The following ABI3BP variants were observed in gnomAD, a reference collection of about 807,000 sequenced individuals.
ABI3BP encodes the protein target of Nesh-SH3.
Under a neutral mutation model 268.6 loss-of-function variants are expected in ABI3BP, and 216 were observed. The ratio of observed to expected loss-of-function variants is 0.80; its 90% CI spans 0.72 to 0.90. The LOEUF is 0.90. Ranked by LOEUF, ABI3BP falls within the 40% of genes least tolerant of loss-of-function variation. ABI3BP has a pLI of 0.00. For missense variants in ABI3BP, 2,090 were observed against 2,182.4 expected (o/e 0.96, Z 0.84); for synonymous variants, 730 against 730.0 (o/e 1.00, Z 0.00).
chr3:100,835,631 C>G lies in ABI3BP; in HGVS notation c.2161G>C (p.Val721Leu). 1.3e-6 allele frequency: 2 copies of G among 1,535,230 alleles called. No homozygotes were observed. The highest frequency in any genetic ancestry group is 1.2e-5 in the South Asian group (1 of 84,022). Residue 721 changes from valine to leucine, a missense_variant, in exon 28 of 68, where the codon GTG (valine) becomes CTG (leucine). Val to Leu is a conservative substitution (Grantham distance 32). Transcript: ENST00000471714. ...GTTGTCACTGTAGCCTCAGTTCTCA[C>G]AGTTACAGGCTCAATGTCTGTGGTG... ...VPTTDIEPVTVRTEATVTTLA... is the reference protein window; with the variant it reads ...VPTTDIEPVTLRTEATVTTLA...
chr3:100,812,594 C>T, intron 45 of ABI3BP, 71 bp from the exon 46 acceptor site: 1 of 994,054 alleles, frequency 1.0e-6, no homozygotes, highest in Non-Finnish European at 1.3e-6. Context: ...TGCTTTGCAT[C>T]CAGTAAGTGT....
Position 100,752,135 on chromosome 3 carries a change from C to G in ABI3BP, c.5123-461G>C, listed in dbSNP as rs141715370. On this transcript the variant is annotated intron_variant, in intron 66 of 67. Coordinates refer to ENST00000471714, the MANE Select transcript of ABI3BP (RefSeq NM_001375547.2). Reference sequence around the variant, plus strand: ...AGTGCTAACTAACTTTTTAGAGAGGCCTTCACCTTTTTGAAAATGTTCTTT... The same window carrying G: ...AGTGCTAACTAACTTTTTAGAGAGGGCTTCACCTTTTTGAAAATGTTCTTT... Among the ~76,000 whole-genome samples the G allele has an allele frequency of 1.9e-3, 286 of 152,268 alleles. 2 individuals carry two copies. Among genetic ancestry groups the G allele is most frequent in the Non-Finnish European group, 2.2e-3 (149 of 68,028 alleles).
At chr3:100,858,809 C>A (rs557799276) in intron 14 of ABI3BP, among the ~76,000 whole-genome samples, 1 of 152,238 alleles carries the variant, frequency 6.6e-6, no homozygotes, top group South Asian at 2.1e-4. Context: ...AAAACAAGAC[C>A]AGTCTCTAAT....
intron 4 of ABI3BP, among the ~76,000 whole-genome samples, chr3:100,887,305 A>C (rs149205681): frequency 3.3e-5 from 5 of 152,068 alleles, no homozygotes. Context: ...GATAGATTTT[A>C]GAAACAAAAT....
At chr3:100,862,504 C>T in intron 13 of ABI3BP, 119 bp from the exon 14 acceptor site, 2 of 658,622 alleles carry the variant, frequency 3.0e-6, no homozygotes, top group Non-Finnish European at 5.3e-6. Context: ...TATACCAATA[C>T]AATAAAAAGT....
At chr3:100,751,741 C>A in intron 66 of ABI3BP, 67 bp from the exon 67 acceptor site, 2 of 1,444,616 alleles carry the variant, frequency 1.4e-6, no homozygotes, top group Non-Finnish European at 1.9e-6. Context: ...ATTTTGAAAT[C>A]ATCATTACTG....
At chr3:100,992,610 C>T (rs2093126345) in intron 1 of ABI3BP, among the ~76,000 whole-genome samples, 2 of 152,216 alleles carry the variant, frequency 1.3e-5, no homozygotes, top group African/African-American at 2.4e-5. Flanking sequence ...AGGCAACAGC[C>T]TCTTGTTTTG....
At position 100,919,787 on chromosome 3, in the gene ABI3BP, C is replaced by T. The variant is rs149358968; in HGVS notation, c.259+6515G>A. ...CTAAAAATTGCTTTATTTGAATAAG[C>T]GATTGAAAAAGTGAGATCTAGAGAT... On this transcript the variant is annotated intron_variant, in intron 2 of 67. Coordinates refer to ENST00000471714, the MANE Select transcript of ABI3BP (RefSeq NM_001375547.2). Among the ~76,000 whole-genome samples, 199 of 152,130 alleles carry T rather than the reference C, an allele frequency of 1.3e-3. 2 individuals carry two copies. The highest frequency in any genetic ancestry group is 4.4e-3 in the African/African-American group (183 of 41,504).
At chr3:100,760,351 G>T (rs373729153) in intron 63 of ABI3BP, among the ~76,000 whole-genome samples, 1 of 152,210 alleles carries the variant, frequency 6.6e-6, no homozygotes, top group South Asian at 2.1e-4. Flanking sequence ...TAGGATTAAA[G>T]GGCTTTTTCA....
intron 63 of ABI3BP, among the ~76,000 whole-genome samples, chr3:100,760,264 T>C (rs1472253428): frequency 6.6e-6 from 1 of 152,228 alleles, no homozygotes; most frequent in Non-Finnish European, 1.5e-5. Flanking sequence ...AGACCACATG[T>C]AAGTCTGGCA....
intron 9 of ABI3BP, among the ~76,000 whole-genome samples, chr3:100,870,174 C>T (rs1350256321): frequency 6.6e-6 from 1 of 151,964 alleles, no homozygotes; most frequent in Non-Finnish European, 1.5e-5. Flanking sequence ...TATGCCCACA[C>T]TTTGCAAAAA....
chr3:100,897,462 A>G (rs1226170924), intron 4 of ABI3BP, among the ~76,000 whole-genome samples: 1 of 152,184 alleles, frequency 6.6e-6, no homozygotes, highest in East Asian at 1.9e-4. Flanking sequence ...GAATATTCAC[A>G]TAATAGACTA....
At chr3:100,858,187 A>T (rs2098959988) in intron 14 of ABI3BP, among the ~76,000 whole-genome samples, 1 of 152,206 alleles carries the variant, frequency 6.6e-6, no homozygotes, top group Non-Finnish European at 1.5e-5. Flanking sequence ...AATTATAGAG[A>T]AGGTTTTCAT....
chr3:100,851,443 T>G (rs2098837279), intron 15 of ABI3BP, among the ~76,000 whole-genome samples: 1 of 152,106 alleles, frequency 6.6e-6, no homozygotes, highest in Non-Finnish European at 1.5e-5. Context: ...CTCTACCCAC[T>G]AGATGCTAGG....
intron 63 of ABI3BP, among the ~76,000 whole-genome samples, chr3:100,763,900 C>T (rs1009388014): frequency 4.6e-5 from 7 of 152,092 alleles, no homozygotes; most frequent in Admixed American, 2.0e-4. Context: ...GTGATTATTC[C>T]GACTAAAAGC....
chr3:100,769,558 A>C (rs1286126345), intron 62 of ABI3BP, among the ~76,000 whole-genome samples: 1 of 152,250 alleles, frequency 6.6e-6, no homozygotes, highest in East Asian at 1.9e-4. Flanking sequence ...CGTATCTTTA[A>C]GGCAAATGAA....
At chr3:100,766,473 T>A (rs546078469) in intron 62 of ABI3BP, among the ~76,000 whole-genome samples, 1 of 152,372 alleles carries the variant, frequency 6.6e-6, no homozygotes, top group East Asian at 1.9e-4. Context: ...TAATAAACTC[T>A]ACTTTTCTAT....
chr3:100,859,094 A>G (rs1279475854), intron 14 of ABI3BP, among the ~76,000 whole-genome samples: 1 of 152,148 alleles, frequency 6.6e-6, no homozygotes, highest in Non-Finnish European at 1.5e-5. Flanking sequence ...CTTTTCTATC[A>G]TCTTCTAAGA....
rs147529218 is a variant in ABI3BP, at chr3:100,923,777, G to C, written c.259+2525C>G. Among the ~76,000 whole-genome samples, 22 of 152,260 alleles carry C rather than the reference G, an allele frequency of 1.4e-4. No individual in the cohort carries two copies. In the South Asian group the frequency reaches 3.5e-3, roughly 24 times the overall value. ...GCTAAAATAGGGAGAAAGAATAATA[G>C]AATGAGAAAATTGCTGTTTATAACT... On this transcript the variant is annotated intron_variant, in intron 2 of 67. Coordinates refer to ENST00000471714, the MANE Select transcript of ABI3BP (RefSeq NM_001375547.2).
Sources: allele counts gnomAD v4.1 joint callset (sites outside exome capture counted in the v4.1 genomes callset), GRCh38; gene constraint gnomAD v4.1.1; transcripts MANE v1.5; gene names NCBI Gene and HGNC (gene_info 2026-07-23, HGNC 2026-07-21).